The following CNIH3 variants were observed in gnomAD, a reference collection of about 807,000 sequenced individuals.
CNIH3 encodes protein cornichon homolog 3.
A neutral mutation model predicts 24.1 loss-of-function variants in CNIH3; 14 were observed. The observed-to-expected ratio is 0.58, with a 90% CI of 0.38 to 0.91. The LOEUF (loss-of-function observed/expected upper bound fraction) is 0.91, where lower values mean the gene tolerates loss of function less well. Among genes scored for constraint, CNIH3 ranks in the 40% least tolerant of loss-of-function variants. CNIH3 has a pLI of 0.00. For synonymous variants in CNIH3, 68 were observed against 73.8 expected (o/e 0.92, Z 0.40); for missense variants, 178 against 196.8 (o/e 0.90, Z 0.57).
chr1:224,582,187 T>G (rs1451431167), intron 4 of CNIH3, among the ~76,000 whole-genome samples: 3 of 152,190 alleles, frequency 2.0e-5, no homozygotes, highest in African/African-American at 2.4e-5. Context: ...GTTCCCTTCA[T>G]CCTTTCTTTG....
At chr1:224,634,956 G>T (rs1011909153) in intron 1 of CNIH3, among the ~76,000 whole-genome samples, 2 of 152,210 alleles carry the variant, frequency 1.3e-5, no homozygotes, top group Non-Finnish European at 2.9e-5. Context: ...CTCCATAAAT[G>T]GGAGGCAGCA....
chr1:224,690,471 G>T (rs1274788423), intron 3 of CNIH3, among the ~76,000 whole-genome samples: 4 of 152,304 alleles, frequency 2.6e-5, no homozygotes, highest in Non-Finnish European at 5.9e-5. Context: ...AAAGTGCTGG[G>T]ATTACAAGCG....
intron 1 of CNIH3, among the ~76,000 whole-genome samples, chr1:224,449,591 G>T (rs1445718047): frequency 6.6e-6 from 1 of 151,940 alleles, no homozygotes; most frequent in Non-Finnish European, 1.5e-5. Context: ...GAATTCCCAG[G>T]CTCAAGTGAT....
At chr1:224,496,037 A>G (rs1677424284) in intron 1 of CNIH3, among the ~76,000 whole-genome samples, 1 of 152,074 alleles carries the variant, frequency 6.6e-6, no homozygotes, top group South Asian at 2.1e-4. Context: ...GGGAAGTGAA[A>G]AATTATTCAA....
At chr1:224,641,317 G>T (rs966998867) in intron 1 of CNIH3, among the ~76,000 whole-genome samples, 5 of 152,228 alleles carry the variant, frequency 3.3e-5, no homozygotes, top group Admixed American at 2.6e-4. Flanking sequence ...CCGGGGAACA[G>T]TGCCTAAGCT....
At chr1:224,450,606 C>T (rs1481476660) in intron 1 of CNIH3, among the ~76,000 whole-genome samples, 3 of 152,174 alleles carry the variant, frequency 2.0e-5, no homozygotes, top group Non-Finnish European at 2.9e-5. Flanking sequence ...GAAGAAAATG[C>T]CTCTAAGGGA....
At chr1:224,592,017 T>C (rs1681776988), downstream of CNIH3, among the ~76,000 whole-genome samples, 1 of 152,174 alleles carries the variant, frequency 6.6e-6, no homozygotes, top group African/African-American at 2.4e-5. Flanking sequence ...GTTGTTGTGG[T>C]TGGGTCATAA....
At chr1:224,736,328 G>T (rs973884314) in intron 5 of CNIH3, among the ~76,000 whole-genome samples, 1 of 152,028 alleles carries the variant, frequency 6.6e-6, no homozygotes, top group Non-Finnish European at 1.5e-5. Context: ...GTTTTGCTAT[G>T]TTGCCCAGGC....
intron 5 of CNIH3, among the ~76,000 whole-genome samples, chr1:224,585,462 C>T (rs1681462740): frequency 1.3e-5 from 2 of 151,640 alleles, no homozygotes; most frequent in African/African-American, 2.4e-5. Flanking sequence ...TAAACCAAAG[C>T]ACAGTTCTTT....
exon 3 of CNIH3, chr1:224,546,883 G>A (rs1679723325): frequency 2.0e-6 from 2 of 985,248 alleles, no homozygotes; most frequent in Non-Finnish European, 2.4e-6. Context: ...ATTTGACATG[G>A]GACACAGCAG....
intron 1 of CNIH3, 127 bp from the exon 2 acceptor site, chr1:224,680,831 C>A: frequency 1.4e-6 from 1 of 700,956 alleles, no homozygotes; most frequent in Non-Finnish European, 2.6e-6. Flanking sequence ...CAGCTGCTGG[C>A]CAATCTCATG....
intron 3 of CNIH3, among the ~76,000 whole-genome samples, chr1:224,608,241 T>C (rs1336106349): frequency 6.6e-6 from 1 of 152,218 alleles, no homozygotes; most frequent in Non-Finnish European, 1.5e-5. Context: ...GACCTTTGAC[T>C]TGGGATTTTA....
intron 1 of CNIH3, among the ~76,000 whole-genome samples, chr1:224,482,132 G>T (rs1304260382): frequency 6.6e-6 from 1 of 152,180 alleles, no homozygotes; most frequent in African/African-American, 2.4e-5. Flanking sequence ...ACCCTTCAGG[G>T]CAGTGGGTTC....
chr1:224,469,055 T>C (rs1676263079), intron 1 of CNIH3, among the ~76,000 whole-genome samples: 1 of 151,850 alleles, frequency 6.6e-6, no homozygotes, highest in Admixed American at 6.6e-5. Context: ...TCTATATCAA[T>C]ATGGTCATAT....
chr1:224,553,333 A>C (rs1680004570), intron 3 of CNIH3, among the ~76,000 whole-genome samples: 1 of 151,826 alleles, frequency 6.6e-6, no homozygotes, highest in African/African-American at 2.4e-5. Context: ...TCTCCCTTAG[A>C]TATATCTATA....
chr1:224,462,154 C>T (rs1675941271), intron 1 of CNIH3, among the ~76,000 whole-genome samples: 1 of 152,104 alleles, frequency 6.6e-6, no homozygotes, highest in African/African-American at 2.4e-5. Flanking sequence ...AATGAACCTA[C>T]ATTGACATCA....
At chr1:224,670,751 G>A (rs1685825374) in intron 1 of CNIH3, among the ~76,000 whole-genome samples, 2 of 152,206 alleles carry the variant, frequency 1.3e-5, no homozygotes, top group South Asian at 4.1e-4. Context: ...TCATCACTCT[G>A]CCATTTTCCC....
At chr1:224,488,781 T>A in intron 1 of CNIH3, among the ~76,000 whole-genome samples, 1 of 71,726 alleles carries the variant, frequency 1.4e-5, no homozygotes, top group Admixed American at 1.9e-4. Flanking sequence ...ATCTAGTAAT[T>A]TTTAAATTTT....
intron 1 of CNIH3, among the ~76,000 whole-genome samples, chr1:224,447,613 C>T (rs1443611791): frequency 2.0e-5 from 3 of 152,212 alleles, no homozygotes; most frequent in African/African-American, 4.8e-5. Context: ...TCAGAAAACA[C>T]TGGACATAAG....
Sources: allele counts gnomAD v4.1 joint callset (sites outside exome capture counted in the v4.1 genomes callset), GRCh38; gene constraint gnomAD v4.1.1; transcripts MANE v1.5; gene names NCBI Gene and HGNC (gene_info 2026-07-23, HGNC 2026-07-21).